SHISA9: variants seen among roughly 807,000 people sequenced by gnomAD.
The protein encoded by SHISA9 is protein shisa-9.
Under a neutral mutation model 38.0 loss-of-function variants are expected in SHISA9, and 13 were observed. The ratio of observed to expected loss-of-function variants is 0.34; its 90% CI spans 0.22 to 0.54. The LOEUF is 0.54. Ranked by LOEUF, SHISA9 falls within the 20% of genes least tolerant of loss-of-function variation. The pLI is 0.91. For synonymous variants in SHISA9, 275 were observed against 242.0 expected (o/e 1.14, Z -1.27); for missense variants, 538 against 575.8 (o/e 0.93, Z 0.67).
the SHISA9 span, among the ~76,000 whole-genome samples, chr16:13,553,580 T>C: frequency 6.6e-6 from 1 of 152,120 alleles, no homozygotes; most frequent in African/African-American, 2.4e-5. Context: ...AAAGATTAGA[T>C]TGGAACTCCA....
intron 2 of SHISA9, among the ~76,000 whole-genome samples, chr16:13,063,515 T>C (rs1208791682): frequency 6.6e-6 from 1 of 152,192 alleles, no homozygotes; most frequent in African/African-American, 2.4e-5. Context: ...CACTAACTTC[T>C]GCCTCCGTGT....
chr16:13,323,137 C>A, the SHISA9 span, among the ~76,000 whole-genome samples: 1 of 152,174 alleles, frequency 6.6e-6, no homozygotes, highest in Non-Finnish European at 1.5e-5. Context: ...ATTGGTAAGA[C>A]AATTAAAGGA....
At chr16:13,361,234 G>C in the SHISA9 span, among the ~76,000 whole-genome samples, 28 of 152,212 alleles carry the variant, frequency 1.8e-4, no homozygotes, top group African/African-American at 6.7e-4. Context: ...TAGGGGAATG[G>C]GGTTGCTCGC....
At chr16:12,940,539 A>G (rs1029613607) in intron 2 of SHISA9, among the ~76,000 whole-genome samples, 6 of 152,042 alleles carry the variant, frequency 3.9e-5, no homozygotes, top group African/African-American at 1.4e-4. Context: ...ACCCTAGCCA[A>G]TAGGGGAAAG....
chr16:13,263,578 C>T, the SHISA9 span, among the ~76,000 whole-genome samples: 3 of 152,222 alleles, frequency 2.0e-5, no homozygotes, highest in Non-Finnish European at 4.4e-5. Context: ...ATGACCAACA[C>T]TATGCTTCCT....
chr16:13,412,226 A>G, the SHISA9 span, among the ~76,000 whole-genome samples: 1 of 152,276 alleles, frequency 6.6e-6, no homozygotes, highest in African/African-American at 2.4e-5. Flanking sequence ...AACCTGGGGA[A>G]TGTTTCCAGA....
chr16:13,546,171 C>T, the SHISA9 span, among the ~76,000 whole-genome samples: 1 of 152,158 alleles, frequency 6.6e-6, no homozygotes, highest in Non-Finnish European at 1.5e-5. Context: ...AAATGTGCAA[C>T]CCTGTCCAAC....
intron 2 of SHISA9, among the ~76,000 whole-genome samples, chr16:12,975,314 C>T (rs1186091947): frequency 2.6e-5 from 4 of 151,920 alleles, no homozygotes; most frequent in Non-Finnish European, 5.9e-5. Context: ...ACCATCCTGG[C>T]CAACATGGTG....
chr16:13,395,380 AT>A, the SHISA9 span, among the ~76,000 whole-genome samples: 74 of 152,368 alleles, frequency 4.9e-4, no homozygotes, highest in African/African-American at 1.6e-3. Context: ...TTATCTCATG[AT>A]AGCCCATAGG....
intron 4 of SHISA9, among the ~76,000 whole-genome samples, chr16:13,233,730 C>G (rs985830072): frequency 2.4e-4 from 36 of 152,240 alleles, no homozygotes; most frequent in African/African-American, 8.7e-4. Context: ...AGAAAACAGG[C>G]CTGGTGCGGT....
chr16:13,217,037 C>T lies in SHISA9; in HGVS notation c.895+3737C>T, dbSNP rs183460433. Reference sequence around the variant, plus strand: ...CTGTAATCCCAGCACTTTGGGAGGCCGAGGTGGGCGGATAACGAGGTCAGA... The same window carrying T: ...CTGTAATCCCAGCACTTTGGGAGGCTGAGGTGGGCGGATAACGAGGTCAGA... On this transcript the variant is annotated intron_variant, in intron 4 of 4. Coordinates refer to ENST00000558583, the MANE Select transcript of SHISA9 (RefSeq NM_001145204.3). Among the ~76,000 whole-genome samples the T allele has an allele frequency of 2.5e-3, 376 of 151,632 alleles. 2 individuals carry two copies. Among genetic ancestry groups the T allele is most frequent in the Non-Finnish European group, 3.8e-3 (257 of 67,910 alleles).
At chr16:12,993,418 C>T (rs1374198301) in intron 2 of SHISA9, among the ~76,000 whole-genome samples, 2 of 152,118 alleles carry the variant, frequency 1.3e-5, no homozygotes, top group African/African-American at 2.4e-5. Context: ...TTCCTAGTGG[C>T]GTGACTTTAG....
At chr16:13,550,951 A>G in the SHISA9 span, among the ~76,000 whole-genome samples, 11 of 152,194 alleles carry the variant, frequency 7.2e-5, no homozygotes, top group South Asian at 8.3e-4. Context: ...GTGAAACCGC[A>G]TCTCTACTAA....
intron 2 of SHISA9, among the ~76,000 whole-genome samples, chr16:13,191,639 G>C (rs901026002): frequency 6.6e-6 from 1 of 152,176 alleles, no homozygotes; most frequent in Non-Finnish European, 1.5e-5. Flanking sequence ...AAGTGGAAGA[G>C]CAAAAATTTG....
chr16:12,954,975 T>C (rs991146963), intron 2 of SHISA9, among the ~76,000 whole-genome samples: 2 of 152,156 alleles, frequency 1.3e-5, no homozygotes, highest in African/African-American at 2.4e-5. Context: ...CAATATTATT[T>C]GTGTTATTCC....
the SHISA9 span, among the ~76,000 whole-genome samples, chr16:13,555,623 C>G: frequency 1.3e-5 from 2 of 150,936 alleles, no homozygotes; most frequent in Admixed American, 6.6e-5. Flanking sequence ...GGGGAGGTAG[C>G]AAGTTCCCCA....
chr16:13,168,441 C>A (rs1027856248), intron 2 of SHISA9, among the ~76,000 whole-genome samples: 2 of 152,242 alleles, frequency 1.3e-5, no homozygotes, highest in African/African-American at 4.8e-5. Context: ...CGGCTTACAT[C>A]ATTTCTACCC....
intron 2 of SHISA9, among the ~76,000 whole-genome samples, chr16:13,126,653 G>C (rs531945973): frequency 5.3e-5 from 8 of 149,934 alleles, no homozygotes; most frequent in Non-Finnish European, 1.0e-4. Context: ...GAGGTGGAGA[G>C]AGAGACTGAG....
At chr16:13,471,717 A>G in the SHISA9 span, among the ~76,000 whole-genome samples, 46,052 of 152,082 alleles carry the variant, frequency 0.3, 7,231 homozygotes, top group East Asian at 0.39. Context: ...TCAATCCACC[A>G]GAATTTAGGG....
Sources: gnomAD v4.1 joint callset for allele counts (sites outside exome capture counted in the v4.1 genomes callset) on GRCh38, gnomAD v4.1.1 for gene constraint, MANE v1.5 for transcripts, NCBI Gene and HGNC (gene_info 2026-07-23, HGNC 2026-07-21) for gene names.